The following PTPRN2 variants were observed in gnomAD, a reference collection of about 807,000 sequenced individuals.
PTPRN2 encodes receptor-type tyrosine-protein phosphatase N2.
Under a neutral mutation model 118.8 loss-of-function variants are expected in PTPRN2, and 74 were observed. The observed-to-expected ratio is 0.62, with a 90% confidence interval of 0.52 to 0.76. The LOEUF is 0.76. PTPRN2 is among the 30% of genes least tolerant of loss of function. The pLI is 0.00. For synonymous variants in PTPRN2, 641 were observed against 608.0 expected (o/e 1.05, Z -0.80); for missense variants, 1,481 against 1,394.4 (o/e 1.06, Z -0.99).
At chr7:158,365,185 A>C (rs1809338517) in intron 2 of PTPRN2, among the ~76,000 whole-genome samples, 1 of 152,226 alleles carries the variant, frequency 6.6e-6, no homozygotes, top group Non-Finnish European at 1.5e-5. Context: ...CGCAAGTGGG[A>C]AACCGTCCTT....
chr7:157,584,038 T>C (rs1319595705), intron 17 of PTPRN2, among the ~76,000 whole-genome samples: 1 of 152,072 alleles, frequency 6.6e-6, no homozygotes, highest in Non-Finnish European at 1.5e-5. Flanking sequence ...GGTGTGAACC[T>C]GTAGTCCCAG....
intron 6 of PTPRN2, among the ~76,000 whole-genome samples, chr7:158,163,660 A>C (rs929172541): frequency 2.2e-5 from 1 of 45,522 alleles, no homozygotes; most frequent in Non-Finnish European, 5.4e-5. Flanking sequence ...GCCCGTATGA[A>C]GTTCTCAATT....
intron 2 of PTPRN2, among the ~76,000 whole-genome samples, chr7:158,441,952 A>AGTGATGGTCATGGTAGTGGTGGTGATG (rs1817336523): frequency 7.6e-5 from 2 of 26,192 alleles, no homozygotes; most frequent in African/African-American, 1.8e-4. Context: ...TGGTGGTGAT[A>AGTGATGGTCATGGTAGTGGTGGTGATG]GTGATAGTGA....
chr7:158,156,422 C>G (rs1315229976), intron 6 of PTPRN2, among the ~76,000 whole-genome samples: 2 of 152,166 alleles, frequency 1.3e-5, no homozygotes, highest in East Asian at 3.8e-4. Context: ...TCACCGTGGA[C>G]TGGGTGGCAG....
chr7:158,533,679 G>GCCGTCAATCTT (rs1291815852), intron 1 of PTPRN2, among the ~76,000 whole-genome samples: 3 of 152,234 alleles, frequency 2.0e-5, no homozygotes, highest in Non-Finnish European at 4.4e-5. Context: ...GAGGCACCGA[G>GCCGTCAATCTT]CCGTCAATCT....
At chr7:157,772,124 C>T (rs1202193605) in intron 12 of PTPRN2, among the ~76,000 whole-genome samples, 2 of 150,836 alleles carry the variant, frequency 1.3e-5, no homozygotes, top group Admixed American at 1.3e-4. Flanking sequence ...CAGACATACA[C>T]ATACACAGAC....
chr7:158,519,029 C>T (rs1423856856), intron 1 of PTPRN2, among the ~76,000 whole-genome samples: 1 of 152,106 alleles, frequency 6.6e-6, no homozygotes, highest in Non-Finnish European at 1.5e-5. Flanking sequence ...CTCCAGGATG[C>T]CCATCATCCT....
intron 11 of PTPRN2, among the ~76,000 whole-genome samples, chr7:158,075,968 G>A (rs759948580): frequency 3.9e-5 from 6 of 152,224 alleles, no homozygotes; most frequent in Non-Finnish European, 7.3e-5. Flanking sequence ...CTGCTCTGGC[G>A]CTGTTTCTCA....
At chr7:158,462,447 C>T (rs1819075447) in intron 2 of PTPRN2, among the ~76,000 whole-genome samples, 1 of 152,178 alleles carries the variant, frequency 6.6e-6, no homozygotes, top group Non-Finnish European at 1.5e-5. Context: ...CGATACCGTA[C>T]TTGCATTTGA....
At chr7:157,747,433 C>G (rs1337333867) in intron 12 of PTPRN2, among the ~76,000 whole-genome samples, 1 of 79,042 alleles carries the variant, frequency 1.3e-5, no homozygotes, top group Admixed American at 1.5e-4. Flanking sequence ...TTTGGGCTGT[C>G]CGGGTGATTC....
intron 2 of PTPRN2, among the ~76,000 whole-genome samples, chr7:158,476,081 T>C (rs1235503854): frequency 6.6e-6 from 1 of 152,206 alleles, no homozygotes; most frequent in African/African-American, 2.4e-5. Flanking sequence ...GCTTAATCAC[T>C]GCAACCTCCT....
chr7:158,326,877 GTTCTCACACATGCACACA>G (rs1202564409), intron 2 of PTPRN2, among the ~76,000 whole-genome samples: 1 of 139,360 alleles, frequency 7.2e-6, no homozygotes, highest in Admixed American at 7.2e-5. Flanking sequence ...GCATGCACAC[GTTCTCACACATGCACACA>G]TTCTCACACA....
intron 2 of PTPRN2, among the ~76,000 whole-genome samples, chr7:158,439,659 G>C (rs1816839457): frequency 6.6e-6 from 1 of 152,206 alleles, no homozygotes. Flanking sequence ...ATCAAGTCAT[G>C]ATGTGTATTA....
intron 10 of PTPRN2, among the ~76,000 whole-genome samples, chr7:158,086,894 T>C (rs1477798412): frequency 6.6e-6 from 1 of 152,214 alleles, no homozygotes; most frequent in Non-Finnish European, 1.5e-5. Flanking sequence ...CCTTATTATC[T>C]TCTTCACATT....
intron 11 of PTPRN2, among the ~76,000 whole-genome samples, chr7:157,958,663 G>T (rs998356033): frequency 1.3e-5 from 2 of 152,136 alleles, no homozygotes; most frequent in Non-Finnish European, 2.9e-5. Flanking sequence ...ATGTACAATA[G>T]CATCGAAAGA....
chr7:158,057,038 C>T (rs941978376), intron 11 of PTPRN2, among the ~76,000 whole-genome samples: 4 of 152,242 alleles, frequency 2.6e-5, no homozygotes, highest in South Asian at 4.1e-4. Flanking sequence ...ACCCACCCAG[C>T]GACCCCAAGG....
At chr7:158,019,273 A>G (rs944204060) in intron 11 of PTPRN2, among the ~76,000 whole-genome samples, 6 of 152,208 alleles carry the variant, frequency 3.9e-5, no homozygotes, top group Non-Finnish European at 5.9e-5. Flanking sequence ...TCACCAAATG[A>G]TATTTATTTT....
intron 11 of PTPRN2, among the ~76,000 whole-genome samples, chr7:157,939,411 C>G (rs1006986344): frequency 2.6e-4 from 40 of 152,254 alleles, no homozygotes; most frequent in African/African-American, 8.7e-4. Context: ...CAGAGCTGCT[C>G]TAGAGACCAG....
At chr7:158,262,915 GCA>G (rs146313301) in intron 3 of PTPRN2, among the ~76,000 whole-genome samples, 5,430 of 126,372 alleles carry the variant, frequency 0.043, 139 homozygotes, top group East Asian at 0.13. Context: ...CATTCACACT[GCA>G]CACACATTCA....
Sources: gnomAD v4.1 joint callset for allele counts (sites outside exome capture counted in the v4.1 genomes callset) on GRCh38, gnomAD v4.1.1 for gene constraint, MANE v1.5 for transcripts, NCBI Gene and HGNC (gene_info 2026-07-23, HGNC 2026-07-21) for gene names.